Variants in SAMD3 observed in about 807,000 individuals in gnomAD.
SAMD3 encodes the protein sterile alpha motif domain-containing protein 3.
In SAMD3, 63 loss-of-function variants were observed where a neutral mutation model predicts 58.5. The observed-to-expected ratio is 1.08, with a 90% CI of 0.88 to 1.33. The LOEUF is 1.33. SAMD3 is among the 40% of genes most tolerant of loss of function. The probability of loss-of-function intolerance (pLI) is 0.00; values close to 1 mark genes in which losing one functional copy is unlikely to be tolerated. For synonymous variants in SAMD3, 220 were observed against 210.3 expected (o/e 1.05, Z -0.40); for missense variants, 604 against 608.4 (o/e 0.99, Z 0.08).
At chr6:130,187,753 T>C (rs1230521251) in intron 5 of SAMD3, among the ~76,000 whole-genome samples, 1 of 152,150 alleles carries the variant, frequency 6.6e-6, no homozygotes, top group Non-Finnish European at 1.5e-5. Context: ...CAGCCAAAAG[T>C]AAGGGCAGGG....
chr6:130,183,974 TAGAC>T (rs1296960810), intron 7 of SAMD3, 125 bp downstream of exon 7: 11 of 718,886 alleles, frequency 1.5e-5, no homozygotes, highest in Admixed American at 8.4e-5. Context: ...CCTAGATACA[TAGAC>T]AGAATGAGAG....
At chr6:130,182,069 A>C (rs964807090) in intron 7 of SAMD3, among the ~76,000 whole-genome samples, 6 of 103,464 alleles carry the variant, frequency 5.8e-5, no homozygotes, top group African/African-American at 1.7e-4. Context: ...TGTCTCAAAA[A>C]AAAAAAAAAA....
At chr6:130,156,620 A>G (rs190664138) in intron 8 of SAMD3, among the ~76,000 whole-genome samples, 116 of 152,282 alleles carry the variant, frequency 7.6e-4, no homozygotes, top group Admixed American at 4.1e-3. Context: ...TTTGGGGGCC[A>G]CTGTTATAGA....
At chr6:130,294,068 A>AT (rs1775474670) in intron 2 of SAMD3, among the ~76,000 whole-genome samples, 1 of 152,220 alleles carries the variant, frequency 6.6e-6, no homozygotes, top group Non-Finnish European at 1.5e-5. Context: ...CCCCCAAGAC[A>AT]TTCCTTTGGT....
At chr6:130,260,686 C>T (rs1014924842) in intron 2 of SAMD3, among the ~76,000 whole-genome samples, 1 of 152,208 alleles carries the variant, frequency 6.6e-6, no homozygotes, top group Non-Finnish European at 1.5e-5. Flanking sequence ...TTAAGCCTGC[C>T]CTGTGGAACA....
intron 1 of SAMD3, among the ~76,000 whole-genome samples, chr6:130,317,549 A>G (rs1776422239): frequency 1.3e-5 from 2 of 152,248 alleles, no homozygotes; most frequent in South Asian, 4.1e-4. Context: ...AAAGTCTTAT[A>G]CAAAGAAACT....
intron 1 of SAMD3, among the ~76,000 whole-genome samples, chr6:130,333,044 CGTGTGTGTGTGTGT>C (rs10529435): frequency 0.24 from 34,623 of 143,564 alleles, 4,964 homozygotes; most frequent in African/African-American, 0.42. Context: ...GTTGAGTATG[CGTGTGTGTGTGTGT>C]GTGTGTGTGT....
chr6:130,266,384 C>T (rs1016392995), intron 2 of SAMD3, among the ~76,000 whole-genome samples: 4 of 152,200 alleles, frequency 2.6e-5, no homozygotes, highest in Admixed American at 2.0e-4. Flanking sequence ...AACCCAGTTC[C>T]TGATGAATTC....
chr6:130,215,921 C>T, intron 2 of SAMD3: 1 of 1,268,368 alleles, frequency 7.9e-7, no homozygotes, highest in Non-Finnish European at 1.1e-6. Flanking sequence ...GTCCTTCCTT[C>T]CAATACTATT....
At chr6:130,180,949 C>CTTTTT (rs1311210793) in intron 7 of SAMD3, among the ~76,000 whole-genome samples, 2 of 28,386 alleles carry the variant, frequency 7.0e-5, no homozygotes, top group African/African-American at 1.8e-4. Flanking sequence ...CTTTTTCTTT[C>CTTTTT]TTTCTTTTTT....
intron 9 of SAMD3, among the ~76,000 whole-genome samples, chr6:130,148,995 G>A (rs1030020422): frequency 6.6e-6 from 1 of 152,194 alleles, no homozygotes. Flanking sequence ...AAAGGCACCC[G>A]TTGATCCAGA....
chr6:130,328,270 C>A lies in SAMD3; in HGVS notation c.-303-15177G>T, dbSNP rs145247328. On this transcript the variant is annotated intron_variant, in intron 1 of 13. Coordinates refer to the SAMD3 transcript ENST00000368134. ...GACCTGCTGGACCTGGAGCTATGTG[C>A]CCTGGTCTCTGATTGCTGGTTTTGG... Among the ~76,000 whole-genome samples, 659 of 152,304 alleles carry A rather than the reference C, an allele frequency of 4.3e-3. 5 individuals are homozygous for A. Among genetic ancestry groups the A allele is most frequent in the African/African-American group, 0.015 (617 of 41,560 alleles).
At chr6:130,227,674 G>C (rs915009840), upstream of SAMD3, among the ~76,000 whole-genome samples, 1 of 151,986 alleles carries the variant, frequency 6.6e-6, no homozygotes, top group Non-Finnish European at 1.5e-5. Flanking sequence ...TATAGTCCCA[G>C]CTACTTGAGA....
intron 2 of SAMD3, among the ~76,000 whole-genome samples, chr6:130,307,607 T>C (rs1319960198): frequency 2.6e-5 from 4 of 152,046 alleles, no homozygotes; most frequent in African/African-American, 9.7e-5. Flanking sequence ...ATGGGGAAAA[T>C]AGAGAATTTT....
At chr6:130,298,628 C>A (rs532036887) in intron 2 of SAMD3, among the ~76,000 whole-genome samples, 3 of 152,204 alleles carry the variant, frequency 2.0e-5, no homozygotes, top group African/African-American at 7.2e-5. Flanking sequence ...CCTAACATTG[C>A]ACCTAAAGGA....
At position 130,214,503 on chromosome 6, in the gene SAMD3, G is replaced by T. The variant is rs201770356; in HGVS notation, c.103C>A (p.Leu35Ile). The change falls in exon 4 of 12, where the codon CTT becomes ATT. Residue 35 changes from leucine (L) to isoleucine (I), a missense_variant. Leu to Ile is a conservative substitution (Grantham distance 5). Coordinates refer to ENST00000439090, the MANE Select transcript of SAMD3 (RefSeq NM_001017373.4). ...FQEEEVSGAA[L>I]LALNDRMVQQ... Reference sequence around the variant, plus strand: ...ACCATCCGATCATTAAGTGCAAGAAGAGCGGCCCCACTTACTTCTTCCTCT... The same window carrying T: ...ACCATCCGATCATTAAGTGCAAGAATAGCGGCCCCACTTACTTCTTCCTCT... The T allele has an allele frequency of 1.2e-6, 2 of 1,600,842 alleles. No individual in the cohort carries two copies. Among genetic ancestry groups the T allele is most frequent in the African/African-American group, 1.3e-5 (1 of 74,184 alleles).
chr6:130,240,943 C>T (rs1016262798), intron 2 of SAMD3, among the ~76,000 whole-genome samples: 2 of 152,126 alleles, frequency 1.3e-5, no homozygotes, highest in African/African-American at 4.8e-5. Context: ...CTGTCTTTAC[C>T]TGGACTCCCT....
chr6:130,340,393 G>T (rs577462024), intron 1 of SAMD3, among the ~76,000 whole-genome samples: 1 of 152,242 alleles, frequency 6.6e-6, no homozygotes, highest in East Asian at 1.9e-4. Context: ...TGACTCTCTT[G>T]CCTCCCCAGC....
chr6:130,170,232 G>A (rs1791116009), intron 8 of SAMD3, among the ~76,000 whole-genome samples: 1 of 152,126 alleles, frequency 6.6e-6, no homozygotes. Context: ...GGTGTGTGAT[G>A]TTCCCCTCCC....
Sources: allele counts gnomAD v4.1 joint callset (sites outside exome capture counted in the v4.1 genomes callset), GRCh38; gene constraint gnomAD v4.1.1; transcripts MANE v1.5; gene names NCBI Gene and HGNC (gene_info 2026-07-23, HGNC 2026-07-21).